Variants in CPEB3 observed in about 807,000 individuals in gnomAD.
CPEB3 encodes the protein cytoplasmic polyadenylation element binding protein 3.
A neutral mutation model predicts 67.2 loss-of-function variants in CPEB3; 20 were observed. The ratio of observed to expected loss-of-function variants is 0.30; its 90% CI spans 0.21 to 0.43. CPEB3 has a LOEUF of 0.43. CPEB3 is among the 20% of genes least tolerant of loss of function. The pLI is 1.00. For synonymous variants in CPEB3, 376 were observed against 393.1 expected, an observed-to-expected ratio of 0.96 and a Z score of 0.51; for missense variants, 746 against 968.6, an observed-to-expected ratio of 0.77 and a Z score of 3.05.
rs79120968 is a variant in CPEB3 at position 92,242,754 on chromosome 10, C to T, written c.-11-2393G>A. Among the ~76,000 whole-genome samples the T allele has an allele frequency of 9.2e-3, 1,396 of 152,234 alleles. 15 individuals carry two copies. Among genetic ancestry groups the T allele is most frequent in the Middle Eastern group, 0.02 (6 of 294 alleles). Reference sequence around the variant, plus strand: ...CTGGACTCAGAACATTTTATAGTAGCTGTAATCAATGTTAACATATTCATT... The same window carrying T: ...CTGGACTCAGAACATTTTATAGTAGTTGTAATCAATGTTAACATATTCATT... On this transcript the variant is annotated intron_variant, in intron 1 of 9. Transcript: ENST00000265997.
chr10:92,112,254 T>G (rs2133498250), intron 6 of CPEB3, among the ~76,000 whole-genome samples: 1 of 151,582 alleles, frequency 6.6e-6, no homozygotes, highest in South Asian at 2.1e-4. Flanking sequence ...AAGCAGTTCG[T>G]GTGCCTCAGC....
intron 4 of CPEB3, among the ~76,000 whole-genome samples, chr10:92,154,033 C>A (rs555914693): frequency 1.4e-4 from 21 of 152,000 alleles, no homozygotes; most frequent in Admixed American, 3.3e-4. Flanking sequence ...ATCAAAAATA[C>A]TGGCATAGCC....
intron 8 of CPEB3, among the ~76,000 whole-genome samples, chr10:92,091,505 C>CAT (rs1383369173): frequency 6.6e-6 from 1 of 151,538 alleles, no homozygotes; most frequent in Non-Finnish European, 1.5e-5. Flanking sequence ...AGATTTCTGT[C>CAT]ATACATAACA....
At chr10:92,198,919 C>T (rs1430009050) in intron 2 of CPEB3, among the ~76,000 whole-genome samples, 2 of 152,246 alleles carry the variant, frequency 1.3e-5, no homozygotes, top group Middle Eastern at 3.4e-3. Flanking sequence ...GGGACACAGA[C>T]AGGACCAAAA....
chr10:92,229,690 TCC>T (rs1851170875), intron 2 of CPEB3, among the ~76,000 whole-genome samples: 4 of 152,232 alleles, frequency 2.6e-5, no homozygotes, highest in South Asian at 4.1e-4. Flanking sequence ...ATTGAAGATG[TCC>T]TTTATAATAT....
At position 92,052,171 on chromosome 10, in the gene CPEB3, T is replaced by C. The variant is rs1013088136; in HGVS notation, c.*41A>G. Reference sequence around the variant, plus strand: ...GGCAGTGCCCTCTCTTTTCCCTCCTTGTTATCTACTCCAGTACTTGTGGCT... The same window carrying C: ...GGCAGTGCCCTCTCTTTTCCCTCCTCGTTATCTACTCCAGTACTTGTGGCT... On this transcript the variant is annotated 3_prime_UTR_variant, in exon 10 of 10. Transcript: ENST00000265997. 3 of 1,415,256 alleles carry C rather than the reference T, an allele frequency of 2.1e-6. No homozygotes were observed. The highest frequency in any genetic ancestry group is 2.2e-4 in the Middle Eastern group (1 of 4,610). The allele number at this position is 1,415,256 out of a possible 1,614,324, so 87.7% of individuals were successfully genotyped here.
chr10:92,284,040 CTTT>C (rs1229950152), intron 1 of CPEB3, among the ~76,000 whole-genome samples: 1 of 100,050 alleles, frequency 1.0e-5, no homozygotes. Context: ...AATGGGGTCT[CTTT>C]TTTTTTTTTT....
Position 92,165,403 on chromosome 10 carries a change from CTTTTTT to C in CPEB3, c.1222+15554_1222+15559del, listed in dbSNP as rs34205234. Among the ~76,000 whole-genome samples, 6 of 121,458 alleles carry C rather than the reference CTTTTTT, an allele frequency of 4.9e-5. No individual in the cohort carries two copies. The East Asian group carries it at 1.2e-3, about 24-fold the overall frequency. 79.7% of individuals were successfully genotyped at this position (121,458 alleles called of 152,430 possible). The stretch of plus-strand genomic sequence containing the variant: ...TTCAGCAAGTTGTCACTTTTTTCTT[CTTTTTT>C]TTTTTTTTTTTTGGCTGGTGGAAGG... On this transcript the variant is annotated intron_variant, in intron 4 of 9. Coordinates refer to ENST00000265997, the MANE Select transcript of CPEB3 (RefSeq NM_014912.5).
chr10:92,291,173 C>T (rs1387692739), upstream of CPEB3: 3 of 471,060 alleles, frequency 6.4e-6, no homozygotes, highest in East Asian at 1.3e-4. Flanking sequence ...TCTTACCTCA[C>T]AAAGGTAGCT....
chr10:92,131,441 G>A (rs1326790387), intron 6 of CPEB3, among the ~76,000 whole-genome samples: 1 of 152,074 alleles, frequency 6.6e-6, no homozygotes, highest in African/African-American at 2.4e-5. Context: ...GCATATACAC[G>A]AAGAAGGCAG....
chr10:92,071,514 G>C (rs1362299522), intron 9 of CPEB3, among the ~76,000 whole-genome samples: 2 of 151,938 alleles, frequency 1.3e-5, no homozygotes, highest in African/African-American at 4.8e-5. Context: ...GGTGGATCAC[G>C]AGGTCAGGAG....
At position 92,051,982 on chromosome 10, in the gene CPEB3, C is replaced by T. The variant is rs1841910760; in HGVS notation, c.*230G>A. The T allele has an allele frequency of 2.3e-6, 1 of 439,576 alleles. No individual in the cohort carries two copies. Among genetic ancestry groups the T allele is most frequent in the Non-Finnish European group, 4.0e-6 (1 of 247,248 alleles). The allele number at this position is 439,576 out of a possible 1,614,324, so 27.2% of individuals were successfully genotyped here. On this transcript the variant is annotated 3_prime_UTR_variant, in exon 10 of 10. Coordinates refer to ENST00000265997, the MANE Select transcript of CPEB3 (RefSeq NM_014912.5). Reference sequence around the variant, plus strand: ...GTACCAAGCAGACAAAGGTGTGAATCAAAGTGCAAATCAGTACCATTCTAC... The same window carrying T: ...GTACCAAGCAGACAAAGGTGTGAATTAAAGTGCAAATCAGTACCATTCTAC...
At chr10:92,077,338 C>T (rs1467334531) in intron 9 of CPEB3, among the ~76,000 whole-genome samples, 1 of 152,066 alleles carries the variant, frequency 6.6e-6, no homozygotes, top group East Asian at 1.9e-4. Flanking sequence ...TGGCTATATT[C>T]TAAGCAAGAA....
At chr10:92,211,744 T>A (rs11186857) in intron 2 of CPEB3, among the ~76,000 whole-genome samples, 1,982 of 151,794 alleles carry the variant, frequency 0.013, 48 homozygotes, top group African/African-American at 0.046. Flanking sequence ...GGTTTCACTA[T>A]GTTGGCTAGG....
intron 1 of CPEB3, among the ~76,000 whole-genome samples, chr10:92,249,439 A>G (rs796187504): frequency 2.0e-5 from 3 of 152,054 alleles, no homozygotes; most frequent in African/African-American, 7.2e-5. Flanking sequence ...CTTGATAATT[A>G]TAATAAATTA....
intron 1 of CPEB3, among the ~76,000 whole-genome samples, chr10:92,244,441 GT>G (rs959621540): frequency 1.4e-5 from 2 of 142,924 alleles, no homozygotes; most frequent in Non-Finnish European, 1.6e-5. Context: ...AGTAGATACA[GT>G]TTTCTTTTTT....
At chr10:92,236,949 G>C (rs189467010) in intron 2 of CPEB3, among the ~76,000 whole-genome samples, 1 of 151,894 alleles carries the variant, frequency 6.6e-6, no homozygotes, top group African/African-American at 2.4e-5. Flanking sequence ...TCAAAAATCT[G>C]TTAAATAAAA....
intron 1 of CPEB3, among the ~76,000 whole-genome samples, chr10:92,268,153 T>C (rs1415786491): frequency 1.3e-5 from 2 of 152,154 alleles, no homozygotes; most frequent in Non-Finnish European, 2.9e-5. Flanking sequence ...TAGAAAAATC[T>C]TGGTTAATCA....
At chr10:92,203,863 C>T (rs1232705561) in intron 2 of CPEB3, among the ~76,000 whole-genome samples, 1 of 152,156 alleles carries the variant, frequency 6.6e-6, no homozygotes, top group African/African-American at 2.4e-5. Flanking sequence ...CCCAAGGTAA[C>T]CCTACTGCCA....
Sources: allele counts gnomAD v4.1 joint callset (sites outside exome capture counted in the v4.1 genomes callset), GRCh38; gene constraint gnomAD v4.1.1; transcripts MANE v1.5; gene names NCBI Gene and HGNC (gene_info 2026-07-23, HGNC 2026-07-21).